Variants in FGF12 observed in about 807,000 individuals in gnomAD.
FGF12 encodes the protein fibroblast growth factor 12.
FGF12 carries 14 observed loss-of-function variants against 23.6 expected under a neutral mutation model. The ratio of observed to expected loss-of-function variants is 0.59; its 90% CI spans 0.39 to 0.93. FGF12 has a LOEUF of 0.93. Among genes scored for constraint, FGF12 ranks in the 40% least tolerant of loss-of-function variants. The pLI is 0.00. For synonymous variants in FGF12, 62 were observed against 77.3 expected (o/e 0.80, Z 1.04); for missense variants, 175 against 217.8 (o/e 0.80, Z 1.24).
chr3:192,617,811 A>C (rs1714819183), intron 2 of FGF12, among the ~76,000 whole-genome samples: 1 of 152,112 alleles, frequency 6.6e-6, no homozygotes, highest in Non-Finnish European at 1.5e-5. Context: ...TAGGAGAGGA[A>C]AAACTGGGTA....
intron 4 of FGF12, among the ~76,000 whole-genome samples, chr3:192,272,171 C>A (rs752616646): frequency 1.3e-5 from 2 of 151,896 alleles, no homozygotes; most frequent in African/African-American, 4.8e-5. Context: ...AAACAATCAC[C>A]CAGAGACAAA....
intron 4 of FGF12, among the ~76,000 whole-genome samples, chr3:192,256,145 A>C (rs1712370763): frequency 6.6e-6 from 1 of 152,034 alleles, no homozygotes. Context: ...TCTTACAACT[A>C]GCTACAATGA....
intron 2 of FGF12, among the ~76,000 whole-genome samples, chr3:192,634,320 G>A (rs1176353310): frequency 2.0e-5 from 3 of 151,932 alleles, no homozygotes; most frequent in Admixed American, 6.6e-5. Flanking sequence ...AAATTAAAAT[G>A]TAATACAATA....
chr3:192,312,789 T>A (rs1382542590), intron 4 of FGF12, among the ~76,000 whole-genome samples: 2 of 152,008 alleles, frequency 1.3e-5, no homozygotes, highest in East Asian at 1.9e-4. Context: ...ATATTTAATG[T>A]TTCTATAACC....
intron 2 of FGF12, among the ~76,000 whole-genome samples, chr3:192,680,794 C>T (rs1176660157): frequency 6.6e-6 from 1 of 152,152 alleles, no homozygotes; most frequent in Non-Finnish European, 1.5e-5. Context: ...TCATTCAGTC[C>T]ACAAGAACTT....
At chr3:192,332,434 A>C (rs11929313) in intron 4 of FGF12, among the ~76,000 whole-genome samples, 3,832 of 152,210 alleles carry the variant, frequency 0.025, 125 homozygotes, top group East Asian at 0.096. Context: ...ATTTAAAAAA[A>C]TACAAACTAT....
Position 192,328,607 on chromosome 3 carries a change from T to C in FGF12, c.228+6754A>G, listed in dbSNP as rs535712447. Reference sequence around the variant, plus strand: ...CAAAGATAAACTGTAACCGTGAGTATAACCATGGTTTTCAGTGAGGTCTGT... The same window carrying C: ...CAAAGATAAACTGTAACCGTGAGTACAACCATGGTTTTCAGTGAGGTCTGT... On this transcript the variant is annotated intron_variant, in intron 4 of 5. Coordinates refer to ENST00000445105, the MANE Select transcript of FGF12 (RefSeq NM_004113.6). Among the ~76,000 whole-genome samples, 13 of 152,314 alleles carry C rather than the reference T, an allele frequency of 8.5e-5. No individual in the cohort carries two copies. The South Asian group carries it at 1.0e-3, about 12-fold the overall frequency.
intron 5 of FGF12, among the ~76,000 whole-genome samples, chr3:192,149,763 C>T (rs1192928996): frequency 1.7e-5 from 1 of 57,308 alleles, no homozygotes; most frequent in Non-Finnish European, 4.7e-5. Flanking sequence ...TGAATAATGC[C>T]GCAATAAACA....
chr3:192,272,195 A>T (rs1038557556), intron 4 of FGF12, among the ~76,000 whole-genome samples: 15 of 152,256 alleles, frequency 9.9e-5, no homozygotes, highest in African/African-American at 3.1e-4. Context: ...AAATTTTTTT[A>T]AAAAAGCATT....
chr3:192,260,209 A>G (rs1312811186), intron 4 of FGF12, among the ~76,000 whole-genome samples: 1 of 151,938 alleles, frequency 6.6e-6, no homozygotes, highest in African/African-American at 2.4e-5. Context: ...ACAAACTACA[A>G]GATACCATAC....
At chr3:192,197,664 G>GC (rs1717139882) in intron 4 of FGF12, among the ~76,000 whole-genome samples, 1 of 152,106 alleles carries the variant, frequency 6.6e-6, no homozygotes, top group African/African-American at 2.4e-5. Context: ...CCTCCTGGGG[G>GC]CCGGATGTGG....
chr3:192,250,649 G>T (rs764837928), intron 4 of FGF12, among the ~76,000 whole-genome samples: 10 of 152,016 alleles, frequency 6.6e-5, no homozygotes, highest in Admixed American at 2.6e-4. Context: ...TGATTTTAAA[G>T]AATTTATCAA....
intron 4 of FGF12, among the ~76,000 whole-genome samples, chr3:192,321,195 A>G (rs1716515891): frequency 6.6e-6 from 1 of 152,056 alleles, no homozygotes; most frequent in Non-Finnish European, 1.5e-5. Flanking sequence ...ACACCAATAC[A>G]ATACCTGGAA....
At chr3:192,484,807 G>C (rs2108821656) in intron 2 of FGF12, among the ~76,000 whole-genome samples, 1 of 152,258 alleles carries the variant, frequency 6.6e-6, no homozygotes, top group South Asian at 2.1e-4. Context: ...CATGTGAATG[G>C]TGCTCCCGGA....
chr3:192,318,180 A>G (rs1716329934), intron 4 of FGF12, among the ~76,000 whole-genome samples: 1 of 152,162 alleles, frequency 6.6e-6, no homozygotes, highest in African/African-American at 2.4e-5. Flanking sequence ...ACTTAACTTC[A>G]ATGCCCAGAC....
At chr3:192,717,340 C>A (rs1441548359) in intron 2 of FGF12, among the ~76,000 whole-genome samples, 1 of 152,128 alleles carries the variant, frequency 6.6e-6, no homozygotes, top group Non-Finnish European at 1.5e-5. Flanking sequence ...ATAGGGATGA[C>A]AATAGTGCCT....
intron 2 of FGF12, among the ~76,000 whole-genome samples, chr3:192,574,001 A>T (rs971085336): frequency 1.3e-5 from 2 of 152,218 alleles, no homozygotes; most frequent in Non-Finnish European, 2.9e-5. Flanking sequence ...GCCTCTGCCC[A>T]GCCATTCCCT....
chr3:192,599,384 A>G (rs1714014282), intron 2 of FGF12, among the ~76,000 whole-genome samples: 1 of 151,928 alleles, frequency 6.6e-6, no homozygotes, highest in African/African-American at 2.4e-5. Context: ...TCTGAATCTC[A>G]TTTTTGTACC....
chr3:192,635,252 G>A (rs1271277982), intron 2 of FGF12, among the ~76,000 whole-genome samples: 1 of 152,124 alleles, frequency 6.6e-6, no homozygotes, highest in Non-Finnish European at 1.5e-5. Context: ...GCTATAACAT[G>A]ATTTAGAATC....
Sources: gnomAD v4.1 joint callset for allele counts (sites outside exome capture counted in the v4.1 genomes callset) on GRCh38, gnomAD v4.1.1 for gene constraint, MANE v1.5 for transcripts, NCBI Gene and HGNC (gene_info 2026-07-23, HGNC 2026-07-21) for gene names.